Variants in TGFBR3 observed in about 807,000 individuals in gnomAD.
TGFBR3 encodes the protein transforming growth factor beta receptor 3.
In TGFBR3, 46 loss-of-function variants were observed where a neutral mutation model predicts 87.9. The observed-to-expected ratio is 0.52, with a 90% CI of 0.41 to 0.67. The LOEUF is 0.67. TGFBR3 is among the 30% of genes least tolerant of loss of function. The pLI is 0.00. For synonymous variants in TGFBR3, 381 were observed against 391.6 expected (o/e 0.97, Z 0.32); for missense variants, 866 against 1,041.9 (o/e 0.83, Z 2.32).
intron 14 of TGFBR3, among the ~76,000 whole-genome samples, chr1:91,704,922 G>A (rs1671745044): frequency 6.6e-6 from 1 of 152,232 alleles, no homozygotes; most frequent in Admixed American, 6.5e-5. Flanking sequence ...TGGCCACAGA[G>A]CAGCTCTCTG....
At chr1:91,771,567 G>C (rs1006230666) in intron 3 of TGFBR3, among the ~76,000 whole-genome samples, 4 of 151,784 alleles carry the variant, frequency 2.6e-5, no homozygotes, top group African/African-American at 9.7e-5. Flanking sequence ...TTAGCCGGGC[G>C]TGGTGGCGGG....
intron 16 of TGFBR3, among the ~76,000 whole-genome samples, chr1:91,685,952 T>G (rs1339592948): frequency 2.6e-5 from 4 of 152,206 alleles, no homozygotes; most frequent in Non-Finnish European, 4.4e-5. Flanking sequence ...AATGTGGCTA[T>G]GCATGAACCA....
intron 4 of TGFBR3, among the ~76,000 whole-genome samples, chr1:91,758,062 C>T (rs967615997): frequency 4.6e-5 from 7 of 152,158 alleles, no homozygotes; most frequent in East Asian, 1.9e-4. Context: ...CTCAAAGGGA[C>T]ATGATTTACA....
Position 91,797,314 on chromosome 1 carries a change from G to A in TGFBR3, c.219C>T (p.Gly73=). ...EVHVLNLRTA[G]QGPGQLQREV... is the part of the protein sequence containing the mutation. ...CTCTCTGTAGCTGGCCAGGCCCCTGGCCTGCAGTGCGGAGATTCAGGACAT... is the reference window on the plus strand; with the variant it reads ...CTCTCTGTAGCTGGCCAGGCCCCTGACCTGCAGTGCGGAGATTCAGGACAT... Residue 73 remains glycine, a synonymous_variant, in exon 3 of 17, where the codon GGC becomes GGT. Coordinates refer to ENST00000212355, the MANE Select transcript of TGFBR3 (RefSeq NM_003243.5). 6.2e-7 allele frequency: 1 copy of A among 1,614,200 alleles called. No homozygotes were observed. The highest frequency in any genetic ancestry group is 8.5e-7 in the Non-Finnish European group (1 of 1,180,032).
chr1:91,736,108 T>A (rs1672958432), intron 4 of TGFBR3, among the ~76,000 whole-genome samples: 1 of 152,112 alleles, frequency 6.6e-6, no homozygotes, highest in African/African-American at 2.4e-5. Context: ...TATAAACGTA[T>A]CTTCTAAAAA....
intron 4 of TGFBR3, among the ~76,000 whole-genome samples, chr1:91,749,959 T>C (rs1020871356): frequency 6.6e-6 from 1 of 152,212 alleles, no homozygotes; most frequent in Non-Finnish European, 1.5e-5. Flanking sequence ...GGCAGATGCA[T>C]CTGATTACCA....
At chr1:91,760,658 AT>A (rs763145941) in intron 3 of TGFBR3, among the ~76,000 whole-genome samples, 146 of 152,350 alleles carry the variant, frequency 9.6e-4, no homozygotes, top group Non-Finnish European at 1.7e-3. Flanking sequence ...AGCTAGGATC[AT>A]TTTTATATCT....
chr1:91,739,672 A>G (rs1673084648), intron 4 of TGFBR3, among the ~76,000 whole-genome samples: 1 of 152,204 alleles, frequency 6.6e-6, no homozygotes, highest in Admixed American at 6.5e-5. Flanking sequence ...TTGTAAGGGC[A>G]TCATGCTACA....
chr1:91,757,841 A>G (rs1673802632), intron 4 of TGFBR3, among the ~76,000 whole-genome samples: 1 of 152,204 alleles, frequency 6.6e-6, no homozygotes, highest in South Asian at 2.1e-4. Context: ...TGGGGACTCC[A>G]CTTGTTTTGG....
At chr1:91,770,764 A>C (rs1353617830) in intron 3 of TGFBR3, 1 of 152,226 alleles carries the variant, frequency 6.6e-6, no homozygotes, top group African/African-American at 2.4e-5. Flanking sequence ...TGGTAGTGAG[A>C]AATCTGTAAC....
intron 2 of TGFBR3, among the ~76,000 whole-genome samples, chr1:91,892,457 G>A (rs1679470348): frequency 6.6e-6 from 1 of 152,088 alleles, no homozygotes; most frequent in Non-Finnish European, 1.5e-5. Context: ...TGTGCTCAGG[G>A]GGACAAAAAA....
Position 91,683,186 on chromosome 1 carries a change from C to T in TGFBR3, c.*553G>A, listed in dbSNP as rs1458306821. The T allele has an allele frequency of 6.6e-6, 3 of 454,428 alleles. No homozygotes were observed. Among genetic ancestry groups the T allele is most frequent in the South Asian group, 1.6e-5 (1 of 64,468 alleles). 28.1% of individuals were successfully genotyped at this position (454,428 alleles called of 1,614,324 possible). ...ACCCATCAAGGGACACATCAGACCCCACAGGTTGTGGCAGCAAGGTCAGAA... is the reference window on the plus strand; with the variant it reads ...ACCCATCAAGGGACACATCAGACCCTACAGGTTGTGGCAGCAAGGTCAGAA... On this transcript the variant is annotated 3_prime_UTR_variant, in exon 17 of 17. Transcript: ENST00000212355.
At chr1:91,837,729 T>C (rs1029128112) in intron 2 of TGFBR3, among the ~76,000 whole-genome samples, 3 of 152,152 alleles carry the variant, frequency 2.0e-5, no homozygotes, top group African/African-American at 7.2e-5. Flanking sequence ...GTGATATACA[T>C]AAATTGACAA....
chr1:91,885,403 G>A (rs1679256984), intron 1 of TGFBR3, among the ~76,000 whole-genome samples: 1 of 151,984 alleles, frequency 6.6e-6, no homozygotes, highest in Admixed American at 6.6e-5. Context: ...AGCCCGCAAG[G>A]CACCCTGAGG....
intron 1 of TGFBR3, among the ~76,000 whole-genome samples, chr1:91,904,517 C>T: frequency 6.6e-6 from 1 of 151,436 alleles, no homozygotes; most frequent in African/African-American, 2.4e-5. Context: ...CTGCCTCAGC[C>T]TCCCAGGTAG....
Position 91,707,883 on chromosome 1 carries a change from G to A in TGFBR3, c.2287+780C>T, listed in dbSNP as rs17879253. Among the ~76,000 whole-genome samples, 505 of 152,272 alleles carry A rather than the reference G, an allele frequency of 3.3e-3. 4 individuals carry two copies. The highest frequency in any genetic ancestry group is 0.011 in the African/African-American group (477 of 41,570). ...TATAACCCTTGGAGCTGTGATGCGG[G>A]TCCTTGTCAGATGCTCTTCTCACCG... On this transcript the variant is annotated intron_variant, in intron 14 of 16. Transcript: ENST00000212355.
intron 3 of TGFBR3, among the ~76,000 whole-genome samples, chr1:91,771,958 G>A (rs1014406558): frequency 3.9e-5 from 6 of 152,058 alleles, no homozygotes; most frequent in African/African-American, 9.7e-5. Context: ...GGTGAATGGG[G>A]AAAGGTGGAT....
At chr1:91,798,114 G>GT (rs1675457728) in intron 2 of TGFBR3, among the ~76,000 whole-genome samples, 1 of 152,140 alleles carries the variant, frequency 6.6e-6, no homozygotes, top group African/African-American at 2.4e-5. Flanking sequence ...CCTCTAATCA[G>GT]TCAAGCCTTA....
At chr1:91,875,793 GGGGT>G (rs1678775450) in intron 1 of TGFBR3, among the ~76,000 whole-genome samples, 1 of 55,070 alleles carries the variant, frequency 1.8e-5, no homozygotes, top group African/African-American at 5.3e-5. Flanking sequence ...GCGGGGGGGG[GGGGT>G]GGGAGTGTGC....
Sources: gnomAD v4.1 joint callset for allele counts (sites outside exome capture counted in the v4.1 genomes callset) on GRCh38, gnomAD v4.1.1 for gene constraint, MANE v1.5 for transcripts, NCBI Gene and HGNC (gene_info 2026-07-23, HGNC 2026-07-21) for gene names.